Variants in RUNX1T1 observed in about 807,000 individuals in gnomAD.
The protein encoded by RUNX1T1 is protein CBFA2T1.
A neutral mutation model predicts 62.8 loss-of-function variants in RUNX1T1; 4 were observed. The ratio of observed to expected loss-of-function variants is 0.06; its 90% CI spans 0.03 to 0.15. RUNX1T1 has a LOEUF of 0.15. Among genes scored for constraint, RUNX1T1 ranks in the 10% least tolerant of loss-of-function variants. The pLI is 1.00. For missense variants in RUNX1T1, 508 were observed against 754.3 expected (o/e 0.67, Z 3.82); for synonymous variants, 291 against 286.0 (o/e 1.02, Z -0.18).
At chr8:92,034,803 C>CGTAT (rs1563811098) in intron 1 of RUNX1T1, among the ~76,000 whole-genome samples, 13 of 99,016 alleles carry the variant, frequency 1.3e-4, no homozygotes, top group African/African-American at 4.9e-4. Context: ...TATATACACA[C>CGTAT]ACACACACAC....
intron 1 of RUNX1T1, among the ~76,000 whole-genome samples, chr8:92,031,745 T>C (rs1443085209): frequency 1.3e-5 from 2 of 152,104 alleles, no homozygotes; most frequent in East Asian, 1.9e-4. Flanking sequence ...GTTGGGATTA[T>C]AGGCATAAAC....
chr8:91,974,914 AAG>A (rs1563642670), intron 9 of RUNX1T1, among the ~76,000 whole-genome samples: 2 of 152,222 alleles, frequency 1.3e-5, no homozygotes, highest in Non-Finnish European at 2.9e-5. Flanking sequence ...GAGAGTCAGC[AAG>A]TTACACAGAA....
At chr8:92,015,662 A>T (rs560510703) in intron 2 of RUNX1T1, among the ~76,000 whole-genome samples, 2 of 152,354 alleles carry the variant, frequency 1.3e-5, no homozygotes, top group East Asian at 3.9e-4. Flanking sequence ...GTTTGCATTA[A>T]AGAAAATGTT....
At chr8:92,085,173 T>G (rs1354470074) in intron 1 of RUNX1T1, among the ~76,000 whole-genome samples, 1 of 152,212 alleles carries the variant, frequency 6.6e-6, no homozygotes, top group Non-Finnish European at 1.5e-5. Context: ...ATCACTATAC[T>G]CGACTGCCTT....
intron 1 of RUNX1T1, among the ~76,000 whole-genome samples, chr8:92,030,077 C>T (rs1258692998): frequency 3.9e-5 from 6 of 152,080 alleles, no homozygotes; most frequent in African/African-American, 1.4e-4. Flanking sequence ...TCATCTCATG[C>T]CTCATTGGTT....
intron 1 of RUNX1T1, among the ~76,000 whole-genome samples, chr8:92,056,754 CA>C (rs1430620851): frequency 6.6e-6 from 1 of 152,026 alleles, no homozygotes; most frequent in East Asian, 1.9e-4. Flanking sequence ...GTCTCACCAC[CA>C]AAAAACGTGC....
At chr8:92,057,780 G>A (rs1046885440) in intron 1 of RUNX1T1, among the ~76,000 whole-genome samples, 1 of 152,116 alleles carries the variant, frequency 6.6e-6, no homozygotes, top group African/African-American at 2.4e-5. Context: ...CTCAAGTTAT[G>A]AGTCATTTAA....
At chr8:92,034,793 T>TACAC (rs1474118588) in intron 1 of RUNX1T1, among the ~76,000 whole-genome samples, 1 of 73,952 alleles carries the variant, frequency 1.4e-5, no homozygotes, top group Non-Finnish European at 2.9e-5. Flanking sequence ...TATATATACA[T>TACAC]ATATACACAC....
chr8:92,074,077 G>A (rs1371573402), intron 2 of RUNX1T1, among the ~76,000 whole-genome samples: 1 of 152,150 alleles, frequency 6.6e-6, no homozygotes, highest in African/African-American at 2.4e-5. Flanking sequence ...ATATGTATAT[G>A]TGTATACAGA....
chr8:92,020,735 C>A (rs1823918188), intron 1 of RUNX1T1, among the ~76,000 whole-genome samples: 1 of 151,008 alleles, frequency 6.6e-6, no homozygotes, highest in Admixed American at 6.6e-5. Context: ...GCATGGAAAA[C>A]AAATGTGGCA....
chr8:92,014,173 T>C (rs549212667), intron 3 of RUNX1T1, among the ~76,000 whole-genome samples: 1 of 152,176 alleles, frequency 6.6e-6, no homozygotes, highest in Non-Finnish European at 1.5e-5. Context: ...AAAATGAGCA[T>C]CCAATTAGAT....
chr8:92,093,562 G>A (rs1009383381), intron 1 of RUNX1T1, among the ~76,000 whole-genome samples: 49 of 151,952 alleles, frequency 3.2e-4, no homozygotes, highest in African/African-American at 1.1e-3. Flanking sequence ...ATCGCTTCTC[G>A]GCCTTTTGGC....
At chr8:92,016,054 G>T (rs1822931489) in intron 2 of RUNX1T1, among the ~76,000 whole-genome samples, 1 of 152,162 alleles carries the variant, frequency 6.6e-6, no homozygotes. Flanking sequence ...ATCCCTTATA[G>T]TCCCAAAGAT....
At chr8:91,988,960 C>T (rs1321994747) in intron 6 of RUNX1T1, among the ~76,000 whole-genome samples, 1 of 151,962 alleles carries the variant, frequency 6.6e-6, no homozygotes, top group African/African-American at 2.4e-5. Flanking sequence ...ATTTAAGATA[C>T]TTAAATATTC....
intron 6 of RUNX1T1, among the ~76,000 whole-genome samples, chr8:91,990,659 T>C (rs78406872): frequency 1.3e-5 from 2 of 152,002 alleles, no homozygotes; most frequent in South Asian, 4.2e-4. Flanking sequence ...TTTTTTTTTT[T>C]CTGAGACAGG....
chr8:91,996,381 T>G (rs908259352), intron 5 of RUNX1T1, among the ~76,000 whole-genome samples: 1 of 152,070 alleles, frequency 6.6e-6, no homozygotes, highest in African/African-American at 2.4e-5. Context: ...TTTTGTATTT[T>G]TAGTAGAGAC....
intron 1 of RUNX1T1, among the ~76,000 whole-genome samples, chr8:92,041,371 C>T (rs564003770): frequency 1.7e-4 from 26 of 152,314 alleles, no homozygotes; most frequent in Non-Finnish European, 3.5e-4. Context: ...GTTTGGCTTA[C>T]TTGCTACTTG....
chr8:92,043,407 GA>G (rs375056940), intron 1 of RUNX1T1, among the ~76,000 whole-genome samples: 2 of 146,566 alleles, frequency 1.4e-5, no homozygotes, highest in South Asian at 2.2e-4. Context: ...ACTAAGGAAG[GA>G]AAAAAAAACT....
intron 10 of RUNX1T1, among the ~76,000 whole-genome samples, chr8:91,969,187 T>C (rs903425330): frequency 2.6e-5 from 4 of 152,214 alleles, no homozygotes; most frequent in Admixed American, 6.5e-5. Flanking sequence ...ATGCTAAATA[T>C]TGGTGTCAAG....
Sources: gnomAD v4.1 joint callset for allele counts (sites outside exome capture counted in the v4.1 genomes callset) on GRCh38, gnomAD v4.1.1 for gene constraint, MANE v1.5 for transcripts, NCBI Gene and HGNC (gene_info 2026-07-23, HGNC 2026-07-21) for gene names.